CTNNA3: variants seen among roughly 807,000 people sequenced by gnomAD.
CTNNA3 encodes catenin alpha 3.
CTNNA3 carries 76 observed loss-of-function variants against 95.7 expected under a neutral mutation model. The observed-to-expected ratio is 0.79, with a 90% CI of 0.66 to 0.96. The LOEUF (loss-of-function observed/expected upper bound fraction) is 0.96. Among genes scored for constraint, CTNNA3 ranks in the 40% least tolerant of loss-of-function variants. CTNNA3 has a pLI of 0.00. For synonymous variants in CTNNA3, 431 were observed against 374.4 expected (o/e 1.15, Z -1.74); for missense variants, 1,191 against 1,089.8 (o/e 1.09, Z -1.31).
intron 7 of CTNNA3, among the ~76,000 whole-genome samples, chr10:67,087,344 A>G (rs1857362447): frequency 6.6e-6 from 1 of 152,034 alleles, no homozygotes; most frequent in South Asian, 2.1e-4. Context: ...AGGAAGCACT[A>G]AAGAATTTGA....
intron 5 of CTNNA3, among the ~76,000 whole-genome samples, chr10:67,406,130 T>C (rs1274789917): frequency 1.3e-5 from 2 of 152,154 alleles, no homozygotes; most frequent in African/African-American, 4.8e-5. Flanking sequence ...CCTGCCACCT[T>C]GTGAAAAAGA....
At chr10:66,047,330 C>G (rs1487645134) in intron 15 of CTNNA3, among the ~76,000 whole-genome samples, 1 of 151,894 alleles carries the variant, frequency 6.6e-6, no homozygotes, top group Non-Finnish European at 1.5e-5. Context: ...TCAACACACA[C>G]AAATCAATAA....
intron 5 of CTNNA3, among the ~76,000 whole-genome samples, chr10:67,378,306 G>C (rs558297136): frequency 1.4e-4 from 21 of 152,212 alleles, no homozygotes; most frequent in African/African-American, 4.1e-4. Context: ...TAATGATACA[G>C]AGAGTTTCTG....
At position 65,983,131 on chromosome 10, in the gene CTNNA3, A is replaced by T. The variant is rs182428859; in HGVS notation, c.2265+5561T>A. On this transcript the variant is annotated intron_variant, in intron 16 of 17. Coordinates refer to ENST00000433211, the MANE Select transcript of CTNNA3 (RefSeq NM_013266.4). Reference sequence around the variant, plus strand: ...TTTCTTGAATTAGAATTAGCTGCCAATGTATTTAACACTAAAAGTTCGTTT... The same window carrying T: ...TTTCTTGAATTAGAATTAGCTGCCATTGTATTTAACACTAAAAGTTCGTTT... Among the ~76,000 whole-genome samples the T allele has an allele frequency of 1.2e-3, 184 of 151,800 alleles. 1 individual carries two copies. The highest frequency in any genetic ancestry group is 4.3e-3 in the African/African-American group (177 of 41,536).
chr10:67,588,848 T>A (rs1489824899), intron 3 of CTNNA3, among the ~76,000 whole-genome samples: 3 of 152,118 alleles, frequency 2.0e-5, no homozygotes, highest in Non-Finnish European at 4.4e-5. Flanking sequence ...AACTATTTTA[T>A]ACTAATATCA....
chr10:67,504,229 G>T (rs1465207186), intron 5 of CTNNA3, among the ~76,000 whole-genome samples: 1 of 150,362 alleles, frequency 6.7e-6, no homozygotes, highest in Non-Finnish European at 1.5e-5. Context: ...GAGGCGGGTG[G>T]ATCACAAGGT....
intron 1 of CTNNA3, among the ~76,000 whole-genome samples, chr10:67,695,456 CTG>C (rs58300043): frequency 0.056 from 8,492 of 152,194 alleles, 404 homozygotes; most frequent in African/African-American, 0.13. Flanking sequence ...TTGACTATAA[CTG>C]GTCATCAAAC....
chr10:66,921,580 A>C (rs910801233), intron 7 of CTNNA3, among the ~76,000 whole-genome samples: 6 of 152,060 alleles, frequency 3.9e-5, no homozygotes, highest in Non-Finnish European at 7.4e-5. Flanking sequence ...ATCTGCTTCC[A>C]CATTAGGCCT....
intron 12 of CTNNA3, among the ~76,000 whole-genome samples, chr10:66,298,923 G>T (rs1320372676): frequency 1.3e-5 from 2 of 152,130 alleles, no homozygotes; most frequent in African/African-American, 4.8e-5. Context: ...GTCAAGTTGG[G>T]AACTGCTTAG....
At chr10:66,466,849 A>T (rs867088484) in intron 11 of CTNNA3, among the ~76,000 whole-genome samples, 1 of 152,158 alleles carries the variant, frequency 6.6e-6, no homozygotes, top group African/African-American at 2.4e-5. Flanking sequence ...GCTTGAAAAG[A>T]ATAGATGTAA....
chr10:67,485,175 G>T (rs184706860), intron 5 of CTNNA3, among the ~76,000 whole-genome samples: 2 of 152,296 alleles, frequency 1.3e-5, no homozygotes, highest in East Asian at 3.9e-4. Flanking sequence ...CAGCAACATG[G>T]ATGCAGCTGG....
At chr10:67,640,213 A>G (rs992099458) in intron 2 of CTNNA3, among the ~76,000 whole-genome samples, 56 of 151,868 alleles carry the variant, frequency 3.7e-4, no homozygotes, top group South Asian at 6.2e-4. Flanking sequence ...ACCAATAACA[A>G]ACAAACAGAG....
intron 7 of CTNNA3, among the ~76,000 whole-genome samples, chr10:67,147,327 C>T (rs995734225): frequency 6.6e-6 from 1 of 152,160 alleles, no homozygotes; most frequent in East Asian, 1.9e-4. Context: ...ATTTTCTCAT[C>T]TAAAAGCCTG....
chr10:66,095,262 G>A (rs1426794184), intron 14 of CTNNA3, among the ~76,000 whole-genome samples: 1 of 152,050 alleles, frequency 6.6e-6, no homozygotes, highest in Non-Finnish European at 1.5e-5. Context: ...TTTAAAAATA[G>A]ATAGAGGAAA....
chr10:66,654,654 C>T (rs1589078152), intron 9 of CTNNA3, among the ~76,000 whole-genome samples: 1 of 152,014 alleles, frequency 6.6e-6, no homozygotes, highest in South Asian at 2.1e-4. Flanking sequence ...TGCCTGCATT[C>T]CCATGTTCCT....
chr10:67,663,307 T>C (rs1448860142), intron 1 of CTNNA3, among the ~76,000 whole-genome samples: 1 of 151,444 alleles, frequency 6.6e-6, no homozygotes, highest in Non-Finnish European at 1.5e-5. Context: ...TGTACTGCTT[T>C]AAAAAAAAAT....
intron 7 of CTNNA3, among the ~76,000 whole-genome samples, chr10:67,080,764 C>A (rs969930549): frequency 3.9e-5 from 6 of 151,936 alleles, no homozygotes; most frequent in African/African-American, 1.4e-4. Flanking sequence ...AAAAAATTAG[C>A]CCGGCGTGGT....
At chr10:67,682,432 T>C (rs1224657574) in intron 1 of CTNNA3, among the ~76,000 whole-genome samples, 2 of 152,066 alleles carry the variant, frequency 1.3e-5, no homozygotes, top group Non-Finnish European at 2.9e-5. Context: ...ATTGTTCAAC[T>C]ATACTTATAA....
chr10:67,063,582 G>A (rs1295646568), intron 7 of CTNNA3, among the ~76,000 whole-genome samples: 1 of 152,178 alleles, frequency 6.6e-6, no homozygotes, highest in Non-Finnish European at 1.5e-5. Context: ...TGAAAGGTTG[G>A]GACCAGTGAA....
Sources: allele counts gnomAD v4.1 joint callset (sites outside exome capture counted in the v4.1 genomes callset), GRCh38; gene constraint gnomAD v4.1.1; transcripts MANE v1.5; gene names NCBI Gene and HGNC (gene_info 2026-07-23, HGNC 2026-07-21).